SPAG16: variants seen among roughly 807,000 people sequenced by gnomAD.
SPAG16 encodes the protein sperm associated antigen 16, also known as sperm-associated antigen 16 protein.
In SPAG16, 86 loss-of-function variants were observed where a neutral mutation model predicts 80.4. That is an observed-to-expected ratio of 1.07 (90% CI 0.90 to 1.28). The LOEUF (loss-of-function observed/expected upper bound fraction) is 1.28. SPAG16 is among the 50% of genes most tolerant of loss of function. The pLI is 0.00. For synonymous variants in SPAG16, 294 were observed against 265.9 expected, an observed-to-expected ratio of 1.11 and a Z score of -1.03; for missense variants, 870 against 765.3, an observed-to-expected ratio of 1.14 and a Z score of -1.61.
intron 7 of SPAG16, among the ~76,000 whole-genome samples, chr2:213,353,868 T>G (rs1202661753): frequency 6.6e-6 from 1 of 152,198 alleles, no homozygotes. Context: ...AATATCCCAA[T>G]TTAGAAAATC....
chr2:213,848,793 AC>A (rs1198373913), intron 10 of SPAG16, among the ~76,000 whole-genome samples: 1 of 152,134 alleles, frequency 6.6e-6, no homozygotes, highest in East Asian at 1.9e-4. Flanking sequence ...ATCTCAAATT[AC>A]ATATAGTGAG....
chr2:213,965,032 T>C (rs555164520), intron 12 of SPAG16, among the ~76,000 whole-genome samples: 2 of 152,336 alleles, frequency 1.3e-5, no homozygotes, highest in East Asian at 3.9e-4. Flanking sequence ...TTGGACATTT[T>C]AGAAAATACA....
chr2:214,038,960 G>T (rs537141107), intron 13 of SPAG16, among the ~76,000 whole-genome samples: 1 of 152,054 alleles, frequency 6.6e-6, no homozygotes, highest in Non-Finnish European at 1.5e-5. Flanking sequence ...CATTTGGGTT[G>T]GTTCCAAGTC....
At chr2:213,801,833 T>C (rs2125639599) in intron 10 of SPAG16, among the ~76,000 whole-genome samples, 1 of 152,362 alleles carries the variant, frequency 6.6e-6, no homozygotes, top group South Asian at 2.1e-4. Context: ...TTCTGACGAT[T>C]GTTGTGGGAA....
intron 14 of SPAG16, among the ~76,000 whole-genome samples, chr2:214,130,145 T>A (rs752449473): frequency 6.6e-6 from 1 of 152,196 alleles, no homozygotes; most frequent in Non-Finnish European, 1.5e-5. Context: ...CAGTTCTGAT[T>A]GGTTGAAATA....
At chr2:213,642,171 C>T (rs1339277875) in intron 10 of SPAG16, among the ~76,000 whole-genome samples, 6 of 152,148 alleles carry the variant, frequency 3.9e-5, no homozygotes, top group African/African-American at 7.2e-5. Context: ...TGGGAACGCA[C>T]AATGTTTCAG....
At chr2:213,886,828 A>G (rs2076573649) in intron 11 of SPAG16, among the ~76,000 whole-genome samples, 1 of 152,164 alleles carries the variant, frequency 6.6e-6, no homozygotes, top group Admixed American at 6.5e-5. Context: ...TAAAGGACTC[A>G]TGAAGATGAC....
intron 13 of SPAG16, among the ~76,000 whole-genome samples, chr2:214,090,962 G>C (rs527247241): frequency 6.6e-6 from 1 of 151,962 alleles, no homozygotes; most frequent in African/African-American, 2.4e-5. Flanking sequence ...CGCCATACTG[G>C]ATTATTACTT....
intron 10 of SPAG16, among the ~76,000 whole-genome samples, chr2:213,642,627 C>CAGCCTACAT (rs1282702804): frequency 6.7e-4 from 75 of 111,506 alleles, no homozygotes; most frequent in African/African-American, 8.3e-4. Context: ...CTGGTCTACC[C>CAGCCTACAT]CGGCTAAAAT....
intron 10 of SPAG16, among the ~76,000 whole-genome samples, chr2:213,535,345 A>G (rs2076206963): frequency 6.6e-6 from 1 of 152,124 alleles, no homozygotes; most frequent in Non-Finnish European, 1.5e-5. Flanking sequence ...CATATGTTCA[A>G]GAACCTAAAA....
intron 10 of SPAG16, among the ~76,000 whole-genome samples, chr2:213,493,975 C>T (rs897058073): frequency 3.3e-5 from 5 of 152,124 alleles, no homozygotes; most frequent in South Asian, 2.1e-4. Context: ...CTGCTCTTGC[C>T]GGTCATTAGC....
intron 10 of SPAG16, among the ~76,000 whole-genome samples, chr2:213,746,099 A>T (rs1200778596): frequency 6.6e-6 from 1 of 152,206 alleles, no homozygotes; most frequent in Non-Finnish European, 1.5e-5. Flanking sequence ...AGGGAAACAG[A>T]TTTACTGAAA....
chr2:213,909,754 G>T (rs768519470), intron 11 of SPAG16, among the ~76,000 whole-genome samples: 2 of 152,164 alleles, frequency 1.3e-5, no homozygotes, highest in Non-Finnish European at 2.9e-5. Context: ...TTAAACGTTA[G>T]ACCAAGATCA....
At chr2:213,560,036 C>T (rs1446906618) in intron 10 of SPAG16, among the ~76,000 whole-genome samples, 1 of 151,994 alleles carries the variant, frequency 6.6e-6, no homozygotes, top group East Asian at 1.9e-4. Context: ...GATATGGATA[C>T]ATATGGCTCA....
rs149396419 is a variant in SPAG16, at chr2:214,058,381, T to C, written c.1527+44304T>C. On this transcript the variant is annotated intron_variant, in intron 13 of 15. Transcript: ENST00000331683. ...GGAAGAGAGATGGGGGAGTGGCTGT[T>C]CCATGGAGCAAGCAGAACACATACA... is the stretch of plus-strand genomic sequence containing the variant. Among the ~76,000 whole-genome samples, 313 of 152,210 alleles carry C rather than the reference T, an allele frequency of 2.1e-3. 2 individuals carry two copies. The highest frequency in any genetic ancestry group is 7.3e-3 in the African/African-American group (304 of 41,556).
intron 9 of SPAG16, among the ~76,000 whole-genome samples, chr2:213,469,990 C>G (rs1424491930): frequency 6.6e-6 from 1 of 152,092 alleles, no homozygotes. Context: ...GCCATGGGAA[C>G]AGGAAGCAAG....
chr2:214,055,243 T>C (rs2049877540), intron 13 of SPAG16, among the ~76,000 whole-genome samples: 1 of 152,170 alleles, frequency 6.6e-6, no homozygotes, highest in Non-Finnish European at 1.5e-5. Context: ...ACCAACTACA[T>C]ATTGATGATT....
At chr2:213,922,534 G>A (rs2078271977) in intron 11 of SPAG16, among the ~76,000 whole-genome samples, 1 of 152,038 alleles carries the variant, frequency 6.6e-6, no homozygotes, top group Non-Finnish European at 1.5e-5. Flanking sequence ...TCTCATTTCA[G>A]ATATTTCAGC....
intron 10 of SPAG16, among the ~76,000 whole-genome samples, chr2:213,623,352 A>G (rs556819682): frequency 1.1e-4 from 16 of 152,124 alleles, no homozygotes; most frequent in African/African-American, 3.6e-4. Flanking sequence ...TGAACTATGA[A>G]TTCTATGCTT....
Sources: gnomAD v4.1 joint callset for allele counts (sites outside exome capture counted in the v4.1 genomes callset) on GRCh38, gnomAD v4.1.1 for gene constraint, MANE v1.5 for transcripts, NCBI Gene and HGNC (gene_info 2026-07-23, HGNC 2026-07-21) for gene names.